Variants in CNOT6L observed in about 807,000 individuals in gnomAD.
The protein encoded by CNOT6L is CCR4-NOT transcription complex subunit 6 like.
CNOT6L carries 7 observed loss-of-function variants against 64.0 expected under a neutral mutation model. That is an observed-to-expected ratio of 0.11 (90% confidence interval 0.06 to 0.21). The LOEUF (loss-of-function observed/expected upper bound fraction) is 0.21, where lower values mean the gene tolerates loss of function less well. CNOT6L is among the 10% of genes least tolerant of loss of function. The probability of loss-of-function intolerance (pLI) is 1.00; values close to 1 mark genes in which losing one functional copy is unlikely to be tolerated. For missense variants in CNOT6L, 245 were observed against 669.0 expected (o/e 0.37, Z 6.99); for synonymous variants, 193 against 243.4 (o/e 0.79, Z 1.93).
intron 1 of CNOT6L, among the ~76,000 whole-genome samples, chr4:77,794,543 A>T (rs1318075728): frequency 1.3e-5 from 2 of 152,216 alleles, no homozygotes; most frequent in Admixed American, 1.3e-4. Context: ...ATCTCAATAG[A>T]TACATAAAAA....
At chr4:77,754,904 A>AAAAAAAAAAAC (rs1725328457) in intron 5 of CNOT6L, among the ~76,000 whole-genome samples, 1 of 146,608 alleles carries the variant, frequency 6.8e-6, no homozygotes, top group Non-Finnish European at 1.5e-5. Flanking sequence ...AAAAAAAAAA[A>AAAAAAAAAAAC]AAAAAAAAAC....
At chr4:77,771,839 A>C (rs1727590255) in intron 4 of CNOT6L, among the ~76,000 whole-genome samples, 1 of 152,238 alleles carries the variant, frequency 6.6e-6, no homozygotes, top group African/African-American at 2.4e-5. Context: ...AGGAAAATAA[A>C]ATCTATGAAA....
intron 11 of CNOT6L, among the ~76,000 whole-genome samples, chr4:77,721,700 G>A (rs1294503729): frequency 6.6e-6 from 1 of 152,164 alleles, no homozygotes; most frequent in African/African-American, 2.4e-5. Context: ...TTCAGGTGCA[G>A]TGTCTCATGC....
At chr4:77,732,379 A>G (rs1015077336) in intron 8 of CNOT6L, among the ~76,000 whole-genome samples, 1 of 152,146 alleles carries the variant, frequency 6.6e-6, no homozygotes, top group African/African-American at 2.4e-5. Context: ...TGAAATATTT[A>G]TAAGTAATCA....
intron 1 of CNOT6L, among the ~76,000 whole-genome samples, chr4:77,791,673 T>A (rs931921853): frequency 6.6e-6 from 1 of 152,216 alleles, no homozygotes; most frequent in Non-Finnish European, 1.5e-5. Flanking sequence ...TTTCTAAGTT[T>A]TTTTTCATAT....
chr4:77,797,234 A>C (rs1037077596), intron 1 of CNOT6L, among the ~76,000 whole-genome samples: 3 of 127,518 alleles, frequency 2.4e-5, no homozygotes, highest in African/African-American at 9.1e-5. Context: ...CATACTATAT[A>C]AAAAAAAAAC....
At position 77,819,298 on chromosome 4, in the gene CNOT6L, C is replaced by T; in HGVS notation, c.5+6G>A. 6.2e-7 allele frequency: 1 copy of T among 1,613,648 alleles called. No individual in the cohort carries two copies. The highest frequency in any genetic ancestry group is 8.5e-7 in the Non-Finnish European group (1 of 1,179,742). On this transcript the variant is annotated splice_donor_region_variant and intron_variant, in intron 1 of 11. Transcript: ENST00000504123. ...GGTCCTACTCGGAGGCAAAAGAACA[C>T]TCTACCTCATTCTCTTCCTCTGGCC...
intron 1 of CNOT6L, among the ~76,000 whole-genome samples, chr4:77,805,564 T>A (rs547378679): frequency 1.3e-5 from 2 of 152,224 alleles, no homozygotes; most frequent in Non-Finnish European, 2.9e-5. Flanking sequence ...ATTATAGTTG[T>A]TACAGAAATC....
intron 8 of CNOT6L, among the ~76,000 whole-genome samples, chr4:77,740,357 A>G (rs1488197517): frequency 6.6e-6 from 1 of 152,046 alleles, no homozygotes; most frequent in Admixed American, 6.6e-5. Context: ...GTGACAGAGT[A>G]AGACTCTGAG....
intron 1 of CNOT6L, among the ~76,000 whole-genome samples, chr4:77,805,668 A>G (rs1397992944): frequency 1.3e-5 from 2 of 152,236 alleles, no homozygotes; most frequent in East Asian, 3.8e-4. Flanking sequence ...AGAAGCATAT[A>G]TATTACTATA....
chr4:77,725,689 T>C (rs1721772612), intron 11 of CNOT6L, among the ~76,000 whole-genome samples: 1 of 152,042 alleles, frequency 6.6e-6, no homozygotes, highest in East Asian at 1.9e-4. Context: ...AAAAATAACC[T>C]GAAAAACTTA....
At chr4:77,763,849 A>C (rs1726510227) in intron 4 of CNOT6L, among the ~76,000 whole-genome samples, 1 of 152,234 alleles carries the variant, frequency 6.6e-6, no homozygotes, top group Non-Finnish European at 1.5e-5. Flanking sequence ...AATCACATGC[A>C]TGGAAATTTT....
At position 77,717,451 on chromosome 4, in the gene CNOT6L, T is replaced by A. The variant is rs1221768197; in HGVS notation, c.*2980A>T. ...ATATCGAAATAATATTTAACAGTTTTAAAAAAACATGTATCACATTCTAAA... is the reference window on the plus strand; with the variant it reads ...ATATCGAAATAATATTTAACAGTTTAAAAAAAACATGTATCACATTCTAAA... On this transcript the variant is annotated 3_prime_UTR_variant, in exon 12 of 12. Transcript: ENST00000504123. 6.6e-6 allele frequency: 1 copy of A among 152,504 alleles called. No individual in the cohort carries two copies. Among genetic ancestry groups the A allele is most frequent in the African/African-American group, 2.4e-5 (1 of 41,434 alleles). 9.4% of individuals were successfully genotyped at this position (152,504 alleles called of 1,614,324 possible). A position where few individuals can be genotyped will look rare whatever the true frequency, so the allele number is the denominator to read the frequency against.
chr4:77,756,491 T>A (rs1725589529), intron 5 of CNOT6L, among the ~76,000 whole-genome samples: 2 of 152,194 alleles, frequency 1.3e-5, no homozygotes, highest in Non-Finnish European at 2.9e-5. Flanking sequence ...AAACAACTAA[T>A]AACTGTGTAT....
intron 10 of CNOT6L, among the ~76,000 whole-genome samples, chr4:77,727,853 A>T (rs1035328623): frequency 6.6e-6 from 1 of 152,240 alleles, no homozygotes; most frequent in African/African-American, 2.4e-5. Context: ...ATAAACAATG[A>T]TTTCAGCATT....
rs775165090 is a variant in CNOT6L, at chr4:77,728,840, G to A, written c.1252+14C>T. On this transcript the variant is annotated intron_variant, in intron 10 of 11. Coordinates refer to ENST00000504123, the MANE Select transcript of CNOT6L (RefSeq NM_144571.3). ...GTGAAATTGAAAGCAGTGAGGAAAT[G>A]ATATTATAAATACCTGAATCTGGCA... 6.2e-7 allele frequency: 1 copy of A among 1,600,300 alleles called. No individual in the cohort carries two copies. The highest frequency in any genetic ancestry group is 1.3e-5 in the African/African-American group (1 of 74,640).
chr4:77,724,639 CA>C (rs58504681), intron 11 of CNOT6L, among the ~76,000 whole-genome samples: 6,516 of 64,016 alleles, frequency 0.1, 161 homozygotes, highest in Middle Eastern at 0.23. Context: ...GACCCTATCT[CA>C]AAAAAAAAAA....
intron 1 of CNOT6L, among the ~76,000 whole-genome samples, chr4:77,814,127 C>T (rs571726140): frequency 2.6e-4 from 40 of 152,046 alleles, no homozygotes; most frequent in Non-Finnish European, 4.4e-4. Flanking sequence ...TTATCATAAA[C>T]GACCATATAT....
chr4:77,748,892 C>T (rs1343765778), intron 5 of CNOT6L, among the ~76,000 whole-genome samples: 1 of 152,070 alleles, frequency 6.6e-6, no homozygotes, highest in Non-Finnish European at 1.5e-5. Context: ...AAGGATAGAA[C>T]CACATTATGC....
Sources: gnomAD v4.1 joint callset for allele counts (sites outside exome capture counted in the v4.1 genomes callset) on GRCh38, gnomAD v4.1.1 for gene constraint, MANE v1.5 for transcripts, NCBI Gene and HGNC (gene_info 2026-07-23, HGNC 2026-07-21) for gene names.